Variants in ANO4 observed in about 807,000 individuals in gnomAD.
ANO4 encodes anoctamin 4, also known as anoctamin-4.
A neutral mutation model predicts 141.9 loss-of-function variants in ANO4; 69 were observed. The ratio of observed to expected loss-of-function variants is 0.49; its 90% CI spans 0.40 to 0.59. ANO4 has a LOEUF of 0.59. Ranked by LOEUF, ANO4 falls within the 20% of genes least tolerant of loss-of-function variation. The pLI is 0.00. For missense variants in ANO4, 894 were observed against 1,162.2 expected, an observed-to-expected ratio of 0.77 and a Z score of 3.36; for synonymous variants, 350 against 394.3, an observed-to-expected ratio of 0.89 and a Z score of 1.33.
intron 3 of ANO4, among the ~76,000 whole-genome samples, chr12:100,742,524 C>A (rs962928940): frequency 3.9e-5 from 6 of 152,160 alleles, no homozygotes; most frequent in African/African-American, 1.4e-4. Context: ...TGCCAGACAT[C>A]CCTTCACAAT....
At chr12:100,821,103 C>CAA (rs1716392046) in intron 1 of ANO4, among the ~76,000 whole-genome samples, 1 of 152,044 alleles carries the variant, frequency 6.6e-6, no homozygotes, top group African/African-American at 2.4e-5. Context: ...CTCACGAATT[C>CAA]ACCTGTTGAT....
intron 1 of ANO4, among the ~76,000 whole-genome samples, chr12:100,816,602 A>G (rs1273786958): frequency 3.3e-5 from 5 of 151,950 alleles, no homozygotes; most frequent in Non-Finnish European, 7.4e-5. Context: ...TTAGAAGTGA[A>G]TGGATTTTAA....
At chr12:100,943,744 G>A (rs532259466) in intron 5 of ANO4, among the ~76,000 whole-genome samples, 1 of 152,302 alleles carries the variant, frequency 6.6e-6, no homozygotes, top group South Asian at 2.1e-4. Context: ...CACCTTTGTG[G>A]AGTTCCAGAA....
At chr12:101,085,475 T>C (rs1424025629) in intron 16 of ANO4, among the ~76,000 whole-genome samples, 1 of 152,192 alleles carries the variant, frequency 6.6e-6, no homozygotes, top group East Asian at 1.9e-4. Flanking sequence ...ATTTACATTG[T>C]ATCAGGTATT....
rs560571550 is a variant in ANO4, at chr12:100,970,311, C to G, written c.457-995C>G. Among the ~76,000 whole-genome samples the G allele has an allele frequency of 6.6e-5, 10 of 152,306 alleles. 1 individual carries two copies. In the South Asian group the frequency reaches 2.1e-3, roughly 32 times the overall value. On this transcript the variant is annotated intron_variant, in intron 5 of 27. Coordinates refer to ENST00000392977, the MANE Select transcript of ANO4 (RefSeq NM_001286615.2). ...TTCCCAGTGTTCCTAGAATAAAGTG[C>G]GCTGCACGTCCTGTCTTCTGCTCAC...
chr12:101,062,810 G>A (rs1016147692), intron 14 of ANO4, among the ~76,000 whole-genome samples: 23 of 152,348 alleles, frequency 1.5e-4, no homozygotes, highest in African/African-American at 5.5e-4. Flanking sequence ...GTGGCTCTTA[G>A]CTTGCTGGGC....
At chr12:100,879,085 A>G (rs768435253) in intron 1 of ANO4, among the ~76,000 whole-genome samples, 1 of 151,906 alleles carries the variant, frequency 6.6e-6, no homozygotes, top group Non-Finnish European at 1.5e-5. Flanking sequence ...AAATGAATAA[A>G]GGAATGGACC....
chr12:100,863,645 A>C (rs2038598223), intron 1 of ANO4, among the ~76,000 whole-genome samples: 1 of 152,168 alleles, frequency 6.6e-6, no homozygotes, highest in Non-Finnish European at 1.5e-5. Context: ...TTATATATTC[A>C]TTATGTACAA....
intron 1 of ANO4, among the ~76,000 whole-genome samples, chr12:100,890,690 C>T (rs990093643): frequency 6.6e-6 from 1 of 152,054 alleles, no homozygotes; most frequent in Non-Finnish European, 1.5e-5. Context: ...TACAGACATT[C>T]CTTGTGTATC....
chr12:100,927,545 T>G (rs1198706556), intron 3 of ANO4, among the ~76,000 whole-genome samples: 1 of 152,156 alleles, frequency 6.6e-6, no homozygotes, highest in African/African-American at 2.4e-5. Flanking sequence ...GAAACTTGAT[T>G]GAGAATCATG....
chr12:100,826,978 T>C (rs761995832), intron 1 of ANO4, among the ~76,000 whole-genome samples: 1 of 152,038 alleles, frequency 6.6e-6, no homozygotes, highest in Non-Finnish European at 1.5e-5. Context: ...CTCCCTGTAA[T>C]GGACTTCTAA....
intron 1 of ANO4, among the ~76,000 whole-genome samples, chr12:100,828,342 T>C (rs17480812): frequency 0.059 from 8,957 of 152,140 alleles, 286 homozygotes; most frequent in Middle Eastern, 0.095. Flanking sequence ...ATTCCTATTT[T>C]CCAAGTGGCA....
chr12:101,105,829 A>C (rs1442338629), intron 22 of ANO4, among the ~76,000 whole-genome samples: 2 of 152,272 alleles, frequency 1.3e-5, no homozygotes, highest in Non-Finnish European at 2.9e-5. Flanking sequence ...TATGTTTAAT[A>C]GCAGATTGAG....
At chr12:100,847,475 AT>A (rs59985012) in intron 1 of ANO4, among the ~76,000 whole-genome samples, 16 of 136,882 alleles carry the variant, frequency 1.2e-4, no homozygotes, top group Non-Finnish European at 9.2e-5. Flanking sequence ...GGCCAAGATA[AT>A]TTTTTTTTTT....
At chr12:100,931,241 CTT>C (rs2042079011) in intron 3 of ANO4, among the ~76,000 whole-genome samples, 1 of 151,990 alleles carries the variant, frequency 6.6e-6, no homozygotes, top group Admixed American at 6.6e-5. Context: ...TGTATTGTGT[CTT>C]TGTATTTCCG....
rs559535875 is a variant in ANO4 at position 100,934,150 on chromosome 12, T to C, written c.161-5165T>C. Among the ~76,000 whole-genome samples the C allele has an allele frequency of 6.4e-4, 98 of 152,322 alleles. No homozygotes were observed. The South Asian group carries it at 0.01, about 16-fold the overall frequency. On this transcript the variant is annotated intron_variant, in intron 3 of 27. Coordinates refer to ENST00000392977, the MANE Select transcript of ANO4 (RefSeq NM_001286615.2). ...GTTTTTGTTGCCATTGCTTTTGGTGTTTTAATCATGAAGTCCTTGCCCATG... is the reference window on the plus strand; with the variant it reads ...GTTTTTGTTGCCATTGCTTTTGGTGCTTTAATCATGAAGTCCTTGCCCATG...
At chr12:100,929,067 TC>T (rs1234264441) in intron 3 of ANO4, among the ~76,000 whole-genome samples, 18 of 152,244 alleles carry the variant, frequency 1.2e-4, no homozygotes, top group African/African-American at 4.3e-4. Context: ...AGTAATCACA[TC>T]AGTGTAAATG....
At chr12:100,767,068 A>G (rs564635193) in intron 3 of ANO4, among the ~76,000 whole-genome samples, 1 of 152,148 alleles carries the variant, frequency 6.6e-6, no homozygotes, top group South Asian at 2.1e-4. Context: ...CATTTTTTAT[A>G]CTTTCAGCTT....
intron 3 of ANO4, among the ~76,000 whole-genome samples, chr12:100,752,755 G>A (rs1048864326): frequency 6.6e-6 from 1 of 152,150 alleles, no homozygotes; most frequent in Non-Finnish European, 1.5e-5. Context: ...AAAGGGCTCT[G>A]TATTCCCTGC....
Sources: gnomAD v4.1 joint callset for allele counts (sites outside exome capture counted in the v4.1 genomes callset) on GRCh38, gnomAD v4.1.1 for gene constraint, MANE v1.5 for transcripts, NCBI Gene and HGNC (gene_info 2026-07-23, HGNC 2026-07-21) for gene names.